NRCAM: variants seen among roughly 807,000 people sequenced by gnomAD.
NRCAM encodes the protein NgCAM-related cell adhesion molecule.
A neutral mutation model predicts 156.5 loss-of-function variants in NRCAM; 83 were observed. That is an observed-to-expected ratio of 0.53 (90% CI 0.44 to 0.64). The LOEUF (loss-of-function observed/expected upper bound fraction) is 0.64. NRCAM is among the 30% of genes least tolerant of loss of function. The pLI, the probability that NRCAM is intolerant of heterozygous loss-of-function variation, is 0.00. For missense variants in NRCAM, 1,417 were observed against 1,597.3 expected (o/e 0.89, Z 1.92); for synonymous variants, 538 against 563.9 (o/e 0.95, Z 0.65).
intron 11 of NRCAM, among the ~76,000 whole-genome samples, chr7:108,218,045 G>A (rs1588724847): frequency 6.6e-6 from 1 of 152,150 alleles, no homozygotes; most frequent in African/African-American, 2.4e-5. Flanking sequence ...GTGCCCTGGT[G>A]GTGTAGGCAC....
In NRCAM at chr7:108,177,667, ACG is replaced by A. The variant is rs1491244550; in HGVS notation, c.2974+321_2974+322del. ...TATATATATATATATATATGTATAT[ACG>A]TGTATATATATACGTGTATATATAT... is the stretch of plus-strand genomic sequence containing the variant. On this transcript the variant is annotated intron_variant, in intron 26 of 32. Coordinates refer to ENST00000379028, the MANE Select transcript of NRCAM (RefSeq NM_001037132.4). Among the ~76,000 whole-genome samples the A allele has an allele frequency of 9.0e-3, 167 of 18,590 alleles. 1 individual carries two copies. The highest frequency in any genetic ancestry group is 0.015 in the African/African-American group (159 of 10,962). 12.2% of individuals were successfully genotyped at this position (18,590 alleles called of 152,430 possible).
intron 22 of NRCAM, among the ~76,000 whole-genome samples, chr7:108,183,535 G>GTT (rs1326077901): frequency 4.2e-4 from 63 of 150,054 alleles, no homozygotes; most frequent in African/African-American, 8.1e-4. Context: ...CTTCCAGGTG[G>GTT]CTCTTTTTTT....
intron 12 of NRCAM, 41 bp downstream of exon 12, chr7:108,209,380 T>A: frequency 7.5e-7 from 1 of 1,325,710 alleles, no homozygotes; most frequent in Non-Finnish European, 1.0e-6. Context: ...AGTTTCAGGG[T>A]CTCTCATGAA....
chr7:108,307,565 C>A (rs1462158942), intron 3 of NRCAM, among the ~76,000 whole-genome samples: 3 of 152,108 alleles, frequency 2.0e-5, no homozygotes, highest in Non-Finnish European at 2.9e-5. Context: ...TTGACAATAG[C>A]TGTAGAAATG....
At chr7:108,299,158 A>AAC (rs1015972351) in intron 3 of NRCAM, among the ~76,000 whole-genome samples, 27 of 137,370 alleles carry the variant, frequency 2.0e-4, no homozygotes, top group African/African-American at 6.8e-4. Context: ...GTAAAAAAAA[A>AAC]AAAAACCCAA....
intron 1 of NRCAM, among the ~76,000 whole-genome samples, chr7:108,447,391 G>C (rs1298005386): frequency 6.7e-6 from 1 of 149,862 alleles, no homozygotes; most frequent in Non-Finnish European, 1.5e-5. Flanking sequence ...TCAGCCTCCC[G>C]AGTAGCTGGG....
At chr7:108,273,839 T>C (rs1006484495) in intron 3 of NRCAM, among the ~76,000 whole-genome samples, 3 of 152,214 alleles carry the variant, frequency 2.0e-5, no homozygotes, top group Non-Finnish European at 2.9e-5. Flanking sequence ...CTAAATGGTA[T>C]TGCCTAGGTT....
chr7:108,415,327 G>A (rs1028700953), intron 1 of NRCAM, among the ~76,000 whole-genome samples: 5 of 152,330 alleles, frequency 3.3e-5, no homozygotes, highest in South Asian at 2.1e-4. Context: ...GTGGCCGCAC[G>A]TCTAATCACT....
At chr7:108,412,955 C>A (rs1466900867) in intron 1 of NRCAM, among the ~76,000 whole-genome samples, 1 of 152,158 alleles carries the variant, frequency 6.6e-6, no homozygotes, top group Non-Finnish European at 1.5e-5. Flanking sequence ...CATAGATAAA[C>A]ACTTCGGTTG....
intron 3 of NRCAM, among the ~76,000 whole-genome samples, chr7:108,308,149 C>G (rs2098746383): frequency 6.6e-6 from 1 of 152,200 alleles, no homozygotes; most frequent in Admixed American, 6.5e-5. Flanking sequence ...TTGGAATAAG[C>G]TTCCTCTCAG....
chr7:108,203,247 GTTCTT>G (rs2079133065), intron 13 of NRCAM, among the ~76,000 whole-genome samples: 1 of 152,138 alleles, frequency 6.6e-6, no homozygotes, highest in Non-Finnish European at 1.5e-5. Flanking sequence ...CTGCAGCTGT[GTTCTT>G]TTATCTGACT....
chr7:108,454,344 C>G (rs1854016455), intron 1 of NRCAM, among the ~76,000 whole-genome samples: 1 of 152,202 alleles, frequency 6.6e-6, no homozygotes, highest in Non-Finnish European at 1.5e-5. Flanking sequence ...AGGCCACAGT[C>G]TCAGTCTTGG....
rs764440147 is a variant in NRCAM, at chr7:108,177,958, T to A, written c.2974+32A>T. ...AAATAATAAATAAAATAAAAAAACA[T>A]ATTTCCCCTTCTCTTCCTCCCAACA... On this transcript the variant is annotated intron_variant, in intron 26 of 32. Coordinates refer to ENST00000379028, the MANE Select transcript of NRCAM (RefSeq NM_001037132.4). 1.5e-5 allele frequency: 23 copies of A among 1,565,742 alleles called. No homozygotes were observed. In the African/African-American group the frequency reaches 2.5e-4, roughly 17 times the overall value.
intron 2 of NRCAM, among the ~76,000 whole-genome samples, chr7:108,364,252 A>G (rs1287919443): frequency 6.6e-6 from 1 of 152,234 alleles, no homozygotes; most frequent in Non-Finnish European, 1.5e-5. Context: ...GAACATGAAG[A>G]CATGCTCAAC....
At chr7:108,399,165 G>GT (rs1455354303) in intron 2 of NRCAM, among the ~76,000 whole-genome samples, 2 of 130,826 alleles carry the variant, frequency 1.5e-5, no homozygotes, top group Admixed American at 8.0e-5. Flanking sequence ...AAAGGGGTGT[G>GT]TGTGTTTGTG....
rs756983492 is a variant in NRCAM at position 108,184,457 on chromosome 7, C to G, written c.2193G>C (p.Leu731Phe). 1 of 1,614,194 alleles carries G rather than the reference C, an allele frequency of 6.2e-7. No individual in the cohort carries two copies. Among genetic ancestry groups the G allele is most frequent in the East Asian group, 2.2e-5 (1 of 44,874 alleles). ...VMAVNSIGKS[L>F]PSEASEQYLT... ...AATACTGCTCAGACGCCTCGCTGGGCAAGCTCTTCCCAATGCTGTTCACTG... is the reference window on the plus strand; with the variant it reads ...AATACTGCTCAGACGCCTCGCTGGGGAAGCTCTTCCCAATGCTGTTCACTG... The change falls in exon 21 of 33, where the codon TTG (leucine) becomes TTC (phenylalanine). Residue 731 changes from leucine to phenylalanine, a missense_variant. By Grantham distance (22) the Leu-to-Phe change is conservative. Transcript: ENST00000379028.
intron 2 of NRCAM, among the ~76,000 whole-genome samples, chr7:108,357,954 T>C (rs1439888381): frequency 6.6e-6 from 1 of 151,716 alleles, no homozygotes; most frequent in Non-Finnish European, 1.5e-5. Flanking sequence ...GTAGGGAGGG[T>C]GGGGAAGCCC....
intron 27 of NRCAM, among the ~76,000 whole-genome samples, chr7:108,175,576 T>C (rs1417606738): frequency 6.6e-6 from 1 of 152,196 alleles, no homozygotes; most frequent in East Asian, 1.9e-4. Context: ...CCAGTTTGAA[T>C]ACCCAGTATT....
chr7:108,409,482 C>T (rs937498838), intron 1 of NRCAM, among the ~76,000 whole-genome samples: 78 of 152,296 alleles, frequency 5.1e-4, no homozygotes, highest in African/African-American at 1.8e-3. Context: ...CTCTCCAGAG[C>T]CTCTTTAGAT....
Sources: allele counts gnomAD v4.1 joint callset (sites outside exome capture counted in the v4.1 genomes callset), GRCh38; gene constraint gnomAD v4.1.1; transcripts MANE v1.5; gene names NCBI Gene and HGNC (gene_info 2026-07-23, HGNC 2026-07-21).